Variants in NCKAP5 observed in about 807,000 individuals in gnomAD.
NCKAP5 encodes nck-associated protein 5.
NCKAP5 carries 92 observed loss-of-function variants against 167.0 expected under a neutral mutation model. The ratio of observed to expected loss-of-function variants is 0.55; its 90% CI spans 0.47 to 0.66. NCKAP5 has a LOEUF of 0.66. NCKAP5 is among the 30% of genes least tolerant of loss of function. NCKAP5 has a pLI of 0.00. For synonymous variants in NCKAP5, 891 were observed against 877.4 expected (o/e 1.02, Z -0.27); for missense variants, 2,378 against 2,315.0 (o/e 1.03, Z -0.56).
chr2:132,746,513 T>C (rs1679659353), intron 16 of NCKAP5, among the ~76,000 whole-genome samples: 1 of 151,852 alleles, frequency 6.6e-6, no homozygotes, highest in South Asian at 2.1e-4. Context: ...ACATGAACCA[T>C]AAAATAAAAG....
chr2:133,018,105 C>T (rs2078405054), intron 6 of NCKAP5, among the ~76,000 whole-genome samples: 1 of 152,154 alleles, frequency 6.6e-6, no homozygotes, highest in African/African-American at 2.4e-5. Context: ...TATTTTATCA[C>T]TCACATTGTT....
chr2:133,291,576 C>T (rs978024853), intron 4 of NCKAP5, among the ~76,000 whole-genome samples: 7 of 152,152 alleles, frequency 4.6e-5, no homozygotes, highest in African/African-American at 7.2e-5. Context: ...GCTTTTACAC[C>T]TGGTGAACGT....
intron 6 of NCKAP5, among the ~76,000 whole-genome samples, chr2:133,071,643 G>C (rs1323077826): frequency 6.6e-6 from 1 of 152,136 alleles, no homozygotes; most frequent in Non-Finnish European, 1.5e-5. Flanking sequence ...AGCCATGCAG[G>C]TTCTCCTATT....
chr2:133,466,948 T>C (rs1373636478), intron 3 of NCKAP5, among the ~76,000 whole-genome samples: 1 of 152,224 alleles, frequency 6.6e-6, no homozygotes, highest in African/African-American at 2.4e-5. Context: ...AATCATGTCA[T>C]CTGCAAACAG....
intron 8 of NCKAP5, among the ~76,000 whole-genome samples, chr2:132,928,958 CCAAAACAAAACAAAACAAAA>C (rs71398578): frequency 1.3e-3 from 188 of 148,702 alleles, no homozygotes; most frequent in African/African-American, 4.4e-3. Context: ...CCCTTCTCTA[CCAAAACAAAACAAAACAAAA>C]CAAAACAAAA....
chr2:133,140,224 T>C (rs2082945915), intron 5 of NCKAP5, among the ~76,000 whole-genome samples: 2 of 152,228 alleles, frequency 1.3e-5, no homozygotes, highest in African/African-American at 4.8e-5. Context: ...TTGTTTCCTT[T>C]TCTGTGGAGA....
chr2:133,629,246 AG>A, the NCKAP5 span, among the ~76,000 whole-genome samples: 2 of 152,218 alleles, frequency 1.3e-5, no homozygotes, highest in Non-Finnish European at 2.9e-5. Context: ...CATCTGACAA[AG>A]GTCTAATATC....
intron 6 of NCKAP5, among the ~76,000 whole-genome samples, chr2:133,024,729 C>G (rs1223167098): frequency 6.6e-6 from 1 of 152,174 alleles, no homozygotes; most frequent in Non-Finnish European, 1.5e-5. Flanking sequence ...CTAGCTTGCG[C>G]TCATAAAGAA....
At chr2:133,115,775 G>GTATATATATA (rs10683280) in intron 6 of NCKAP5, among the ~76,000 whole-genome samples, 1,003 of 94,100 alleles carry the variant, frequency 0.011, 22 homozygotes, top group Non-Finnish European at 0.015. Flanking sequence ...ATGTGTGTGT[G>GTATATATATA]TATATATATA....
chr2:133,164,041 A>G (rs1158303216), intron 5 of NCKAP5, among the ~76,000 whole-genome samples: 1 of 152,240 alleles, frequency 6.6e-6, no homozygotes, highest in Non-Finnish European at 1.5e-5. Flanking sequence ...CAGAAAACAG[A>G]CAATATAAAG....
chr2:133,541,781 T>A (rs1686246539), intron 2 of NCKAP5, among the ~76,000 whole-genome samples: 1 of 152,200 alleles, frequency 6.6e-6, no homozygotes, highest in Middle Eastern at 3.2e-3. Flanking sequence ...GGAGATTTTT[T>A]TTTTTAAGTG....
At chr2:132,683,954 C>T (rs1454503923) in intron 19 of NCKAP5, among the ~76,000 whole-genome samples, 4 of 152,132 alleles carry the variant, frequency 2.6e-5, no homozygotes, top group African/African-American at 7.2e-5. Flanking sequence ...TTATAGCTGT[C>T]GTAGTACAAA....
intron 19 of NCKAP5, among the ~76,000 whole-genome samples, chr2:132,698,446 A>G (rs1213586063): frequency 6.6e-6 from 1 of 152,114 alleles, no homozygotes; most frequent in African/African-American, 2.4e-5. Context: ...TCTCAGTTTT[A>G]TTATATTTAG....
intron 3 of NCKAP5, among the ~76,000 whole-genome samples, chr2:133,342,723 G>T (rs1305126584): frequency 6.6e-6 from 1 of 152,116 alleles, no homozygotes. Flanking sequence ...TTAGGAAAAG[G>T]GTTCTCTAAT....
intron 3 of NCKAP5, among the ~76,000 whole-genome samples, chr2:133,359,101 A>G (rs945283957): frequency 3.3e-5 from 5 of 152,236 alleles, no homozygotes; most frequent in Non-Finnish European, 7.3e-5. Flanking sequence ...AAACTCAGAA[A>G]AAGAAAGATT....
chr2:133,333,635 T>C (rs961090335), intron 3 of NCKAP5, among the ~76,000 whole-genome samples: 2 of 152,196 alleles, frequency 1.3e-5, no homozygotes, highest in African/African-American at 2.4e-5. Context: ...AGCATCTTCC[T>C]ACTTACTTTC....
At chr2:133,649,546 G>A in the NCKAP5 span, among the ~76,000 whole-genome samples, 3 of 151,804 alleles carry the variant, frequency 2.0e-5, no homozygotes, top group Non-Finnish European at 4.4e-5. Context: ...ATAACCAAGC[G>A]GGATTTATTT....
chr2:133,642,321 T>C, the NCKAP5 span, among the ~76,000 whole-genome samples: 2 of 152,174 alleles, frequency 1.3e-5, no homozygotes, highest in Non-Finnish European at 2.9e-5. Context: ...AATTTCAACC[T>C]GAGTTTTTGC....
intron 6 of NCKAP5, among the ~76,000 whole-genome samples, chr2:133,046,287 G>A (rs1260127642): frequency 6.6e-6 from 1 of 152,042 alleles, no homozygotes; most frequent in Non-Finnish European, 1.5e-5. Flanking sequence ...ATATATTTTA[G>A]TTTTGCTTAA....
Sources: allele counts gnomAD v4.1 joint callset (sites outside exome capture counted in the v4.1 genomes callset), GRCh38; gene constraint gnomAD v4.1.1; transcripts MANE v1.5; gene names NCBI Gene and HGNC (gene_info 2026-07-23, HGNC 2026-07-21).